The following CLSTN2 variants were observed in gnomAD, a reference collection of about 807,000 sequenced individuals.
CLSTN2 encodes calsyntenin 2, also known as calsyntenin-2.
A neutral mutation model predicts 101.2 loss-of-function variants in CLSTN2; 48 were observed. That is an observed-to-expected ratio of 0.47 (90% CI 0.38 to 0.60). The LOEUF (loss-of-function observed/expected upper bound fraction) is 0.60. Among genes scored for constraint, CLSTN2 ranks in the 20% least tolerant of loss-of-function variants. The probability of loss-of-function intolerance (pLI) is 0.00; values close to 1 mark genes in which losing one functional copy is unlikely to be tolerated. For synonymous variants in CLSTN2, 481 were observed against 463.6 expected (o/e 1.04, Z -0.48); for missense variants, 1,160 against 1,238.2 (o/e 0.94, Z 0.95).
chr3:140,168,078 T>C (rs370536906), intron 1 of CLSTN2, among the ~76,000 whole-genome samples: 17 of 152,318 alleles, frequency 1.1e-4, no homozygotes, highest in East Asian at 7.7e-4. Flanking sequence ...ATCCTAGGAA[T>C]AGAATTGCTG....
At chr3:139,942,839 A>G (rs751083385) in intron 1 of CLSTN2, among the ~76,000 whole-genome samples, 10 of 152,108 alleles carry the variant, frequency 6.6e-5, no homozygotes, top group Admixed American at 1.3e-4. Context: ...CTTGAAGCCC[A>G]TTTCTTTCAC....
intron 8 of CLSTN2, among the ~76,000 whole-genome samples, chr3:140,511,196 A>T (rs1934806231): frequency 6.6e-6 from 1 of 152,198 alleles, no homozygotes; most frequent in Admixed American, 6.5e-5. Context: ...AAAGGACATG[A>T]TCTCACTCCT....
chr3:140,376,462 T>C (rs1185183791), intron 2 of CLSTN2, among the ~76,000 whole-genome samples: 2 of 152,210 alleles, frequency 1.3e-5, no homozygotes, highest in Admixed American at 6.5e-5. Context: ...CTGCCAAAGA[T>C]TCCCCTCCTT....
intron 2 of CLSTN2, among the ~76,000 whole-genome samples, chr3:140,329,688 G>T (rs889993180): frequency 6.6e-6 from 1 of 152,190 alleles, no homozygotes. Flanking sequence ...ATGGGGTAAA[G>T]ATCCAAGCTC....
intron 1 of CLSTN2, among the ~76,000 whole-genome samples, chr3:140,072,388 T>G (rs2008412318): frequency 2.0e-5 from 3 of 152,222 alleles, no homozygotes; most frequent in African/African-American, 7.2e-5. Context: ...ATAAATCTCA[T>G]AGCCTTATAG....
intron 5 of CLSTN2, 79 bp downstream of exon 5, chr3:140,421,353 C>G: frequency 1.3e-6 from 2 of 1,520,854 alleles, no homozygotes; most frequent in Non-Finnish European, 1.8e-6. Flanking sequence ...CTCAAATCAT[C>G]ACAACACATA....
At chr3:140,547,896 T>C (rs191859258) in intron 10 of CLSTN2, among the ~76,000 whole-genome samples, 182 of 152,322 alleles carry the variant, frequency 1.2e-3, no homozygotes, top group African/African-American at 4.1e-3. Flanking sequence ...GACAGCCCCA[T>C]GAAGCCCCAG....
intron 10 of CLSTN2, among the ~76,000 whole-genome samples, 195 bp from the exon 11 acceptor site, chr3:140,556,318 C>T (rs1055331352): frequency 2.0e-5 from 3 of 152,124 alleles, no homozygotes; most frequent in Non-Finnish European, 4.4e-5. Context: ...GAAAGGGCCG[C>T]AAAGCCCACC....
At chr3:139,975,397 A>T (rs1253074779) in intron 1 of CLSTN2, among the ~76,000 whole-genome samples, 2 of 152,190 alleles carry the variant, frequency 1.3e-5, no homozygotes. Context: ...TCACAGACCC[A>T]CTGTCTCCGT....
In CLSTN2 at chr3:140,574,542, C is replaced by T. The variant is rs1327676375; in HGVS notation, c.*8289C>T. On this transcript the variant is annotated 3_prime_UTR_variant, in exon 17 of 17. Coordinates refer to ENST00000458420, the MANE Select transcript of CLSTN2 (RefSeq NM_022131.3). ...AGAGCAGATTCATCAACATGAAGTT[C>T]AATTCCCAGTAGACTAATGAAAAGA... 3 of 152,222 alleles carry T rather than the reference C, an allele frequency of 2.0e-5. No homozygotes were observed. The highest frequency in any genetic ancestry group is 7.2e-5 in the African/African-American group (3 of 41,444). 9.4% of individuals were successfully genotyped at this position (152,222 alleles called of 1,614,324 possible). A position where few individuals can be genotyped will look rare whatever the true frequency, so the allele number is the denominator to read the frequency against.
chr3:140,181,715 CA>C (rs1458871941), intron 2 of CLSTN2, among the ~76,000 whole-genome samples: 6 of 152,106 alleles, frequency 3.9e-5, no homozygotes, highest in Non-Finnish European at 7.4e-5. Flanking sequence ...TTATTACACA[CA>C]CACACACACA....
intron 1 of CLSTN2, among the ~76,000 whole-genome samples, chr3:140,029,591 A>G (rs1408548190): frequency 6.6e-6 from 1 of 152,222 alleles, no homozygotes; most frequent in Admixed American, 6.5e-5. Context: ...AGTTTGACTC[A>G]ATGAATTAAG....
intron 1 of CLSTN2, among the ~76,000 whole-genome samples, chr3:139,978,606 T>A (rs867943345): frequency 4.0e-5 from 6 of 150,882 alleles, no homozygotes; most frequent in Middle Eastern, 3.2e-3. Context: ...CTAACCAAAG[T>A]ACAATATAAC....
At chr3:140,272,216 A>T (rs541097039) in intron 2 of CLSTN2, among the ~76,000 whole-genome samples, 1 of 152,274 alleles carries the variant, frequency 6.6e-6, no homozygotes, top group East Asian at 1.9e-4. Context: ...AACAACCTAG[A>T]TCTAGGCTCA....
intron 12 of CLSTN2, among the ~76,000 whole-genome samples, chr3:140,559,873 T>C (rs1239501767): frequency 1.3e-5 from 2 of 152,138 alleles, no homozygotes; most frequent in Admixed American, 1.3e-4. Context: ...TCATAAAAAA[T>C]AGATGATGTT....
intron 2 of CLSTN2, among the ~76,000 whole-genome samples, chr3:140,348,871 CT>C (rs961605209): frequency 1.3e-5 from 2 of 152,236 alleles, no homozygotes; most frequent in African/African-American, 4.8e-5. Flanking sequence ...AGTCTCTCCC[CT>C]GTTCTCCCAG....
At chr3:139,996,424 C>T (rs1036014900) in intron 1 of CLSTN2, among the ~76,000 whole-genome samples, 1 of 152,172 alleles carries the variant, frequency 6.6e-6, no homozygotes, top group African/African-American at 2.4e-5. Context: ...GAGTCTCGCT[C>T]TGTCGCCCAG....
At chr3:140,519,271 G>A (rs562215708) in intron 8 of CLSTN2, among the ~76,000 whole-genome samples, 2 of 152,238 alleles carry the variant, frequency 1.3e-5, no homozygotes, top group Non-Finnish European at 2.9e-5. Flanking sequence ...TCTAGAGGAA[G>A]TGCCATGTGG....
intron 1 of CLSTN2, among the ~76,000 whole-genome samples, chr3:140,060,203 G>T (rs1314262810): frequency 6.6e-6 from 1 of 152,204 alleles, no homozygotes; most frequent in Non-Finnish European, 1.5e-5. Flanking sequence ...GCCTGGCACT[G>T]AGAGAATAAT....
Sources: gnomAD v4.1 joint callset for allele counts (sites outside exome capture counted in the v4.1 genomes callset) on GRCh38, gnomAD v4.1.1 for gene constraint, MANE v1.5 for transcripts, NCBI Gene and HGNC (gene_info 2026-07-23, HGNC 2026-07-21) for gene names.